Variants in UNC5D observed in about 807,000 individuals in gnomAD.
UNC5D encodes netrin receptor UNC5D.
UNC5D carries 39 observed loss-of-function variants against 105.4 expected under a neutral mutation model. The ratio of observed to expected loss-of-function variants is 0.37; its 90% CI spans 0.29 to 0.48. The LOEUF is 0.48. Among genes scored for constraint, UNC5D ranks in the 20% least tolerant of loss-of-function variants. The probability of loss-of-function intolerance (pLI) is 0.98; values close to 1 mark genes in which losing one functional copy is unlikely to be tolerated. For synonymous variants in UNC5D, 452 were observed against 450.4 expected (o/e 1.00, Z -0.04); for missense variants, 991 against 1,202.4 (o/e 0.82, Z 2.60).
At chr8:35,514,933 C>A (rs1190320324) in intron 1 of UNC5D, among the ~76,000 whole-genome samples, 1 of 152,096 alleles carries the variant, frequency 6.6e-6, no homozygotes, top group Non-Finnish European at 1.5e-5. Context: ...GATTATGTTG[C>A]CGGCTCTGAA....
chr8:35,562,276 A>G (rs1817019885), intron 2 of UNC5D, among the ~76,000 whole-genome samples: 1 of 152,098 alleles, frequency 6.6e-6, no homozygotes, highest in Non-Finnish European at 1.5e-5. Context: ...ACTGATGGAT[A>G]CTTAGGATGA....
At chr8:35,647,207 C>T (rs1044414670) in intron 4 of UNC5D, among the ~76,000 whole-genome samples, 3 of 152,166 alleles carry the variant, frequency 2.0e-5, no homozygotes, top group African/African-American at 7.2e-5. Flanking sequence ...TAACTCTGAA[C>T]ATAATCACAT....
Position 35,295,603 on chromosome 8 carries a change from A to G in UNC5D, c.103+59716A>G, listed in dbSNP as rs76974135. On this transcript the variant is annotated intron_variant, in intron 1 of 16. Coordinates refer to ENST00000404895, the MANE Select transcript of UNC5D (RefSeq NM_080872.4). Reference sequence around the variant, plus strand: ...GCACAAAGTGATTTGCCATACATACACATTGTGAAGTGGTAACTATCCTAC... The same window carrying G: ...GCACAAAGTGATTTGCCATACATACGCATTGTGAAGTGGTAACTATCCTAC... Among the ~76,000 whole-genome samples the G allele has an allele frequency of 2.6e-5, 4 of 152,338 alleles. No individual in the cohort carries two copies. The East Asian group carries it at 7.7e-4, about 29-fold the overall frequency.
chr8:35,378,349 G>C (rs570821823), intron 1 of UNC5D, among the ~76,000 whole-genome samples: 1 of 152,182 alleles, frequency 6.6e-6, no homozygotes, highest in Non-Finnish European at 1.5e-5. Context: ...TGGAGTGTCT[G>C]ATCTTCCACA....
chr8:35,248,079 A>ATT (rs1255728584), intron 1 of UNC5D, among the ~76,000 whole-genome samples: 2 of 71,590 alleles, frequency 2.8e-5, no homozygotes, highest in African/African-American at 6.0e-5. Context: ...TATATATAAA[A>ATT]AATATAATAT....
At chr8:35,578,973 A>T (rs1488741505) in intron 3 of UNC5D, among the ~76,000 whole-genome samples, 1 of 152,226 alleles carries the variant, frequency 6.6e-6, no homozygotes, top group Non-Finnish European at 1.5e-5. Flanking sequence ...AGGAAATCAC[A>T]GCTTAATTCA....
chr8:35,497,695 G>A (rs1811692160), intron 1 of UNC5D, among the ~76,000 whole-genome samples: 1 of 151,816 alleles, frequency 6.6e-6, no homozygotes, highest in South Asian at 2.1e-4. Flanking sequence ...CTAGGTCTGT[G>A]CCTTGTAGAA....
At chr8:35,755,078 A>T (rs1056015095) in intron 13 of UNC5D, among the ~76,000 whole-genome samples, 1 of 152,122 alleles carries the variant, frequency 6.6e-6, no homozygotes, top group African/African-American at 2.4e-5. Flanking sequence ...TGATAAATTC[A>T]AACCAAAGAT....
intron 1 of UNC5D, chr8:35,544,463 G>GT (rs762963721): frequency 6.2e-7 from 1 of 1,613,896 alleles, no homozygotes; most frequent in Non-Finnish European, 8.5e-7. Flanking sequence ...CCTGGTGTTA[G>GT]TTAAAGCTCT....
At chr8:35,356,326 C>A (rs1160795490) in intron 1 of UNC5D, among the ~76,000 whole-genome samples, 1 of 152,172 alleles carries the variant, frequency 6.6e-6, no homozygotes, top group Admixed American at 6.5e-5. Context: ...TTTACTACTA[C>A]AGTACTCCCT....
At position 35,726,296 on chromosome 8, in the gene UNC5D, T is replaced by G. The variant is rs778181034; in HGVS notation, c.1448T>G (p.Val483Gly). The G allele has an allele frequency of 6.2e-7, 1 of 1,613,958 alleles. No individual in the cohort carries two copies. ...SLFNPLSDIK[V>G]KVQSSFMVSL... Reference sequence around the variant, plus strand: ...TTTAACCCTTTGTCGGACATCAAAGTGAAAGTCCAGAGCTCGTTCATGGTT... The same window carrying G: ...TTTAACCCTTTGTCGGACATCAAAGGGAAAGTCCAGAGCTCGTTCATGGTT... Residue 483 changes from valine to glycine, a missense_variant, in exon 10 of 17, where the codon GTG (valine) becomes GGG (glycine). Physicochemically the swap from Val to Gly is moderately radical, Grantham distance 109. Coordinates refer to ENST00000404895, the MANE Select transcript of UNC5D (RefSeq NM_080872.4).
At chr8:35,314,291 T>G (rs997570958) in intron 1 of UNC5D, among the ~76,000 whole-genome samples, 2 of 152,168 alleles carry the variant, frequency 1.3e-5, no homozygotes, top group Non-Finnish European at 2.9e-5. Context: ...AACATGAGTT[T>G]GATCAAGTGG....
At chr8:35,297,756 A>G (rs2950902) in intron 1 of UNC5D, among the ~76,000 whole-genome samples, 124,485 of 151,836 alleles carry the variant, frequency 0.82, 51,498 homozygotes, top group East Asian at 1. Context: ...GTTCCCTAAC[A>G]CTCAGATGTA....
chr8:35,314,526 G>A lies in UNC5D; in HGVS notation c.103+78639G>A, dbSNP rs111512065. On this transcript the variant is annotated intron_variant, in intron 1 of 16. Coordinates refer to ENST00000404895, the MANE Select transcript of UNC5D (RefSeq NM_080872.4). ...ATTTTAAAAAGAAAAGCAATTAGTA[G>A]GAATAGTGGTTGAAACAACTGAATA... Among the ~76,000 whole-genome samples, 589 of 151,832 alleles carry A rather than the reference G, an allele frequency of 3.9e-3. 5 individuals are homozygous for A. Among genetic ancestry groups the A allele is most frequent in the African/African-American group, 0.013 (555 of 41,412 alleles).
intron 1 of UNC5D, among the ~76,000 whole-genome samples, chr8:35,347,254 C>T (rs1489970164): frequency 6.6e-6 from 1 of 151,930 alleles, no homozygotes; most frequent in Non-Finnish European, 1.5e-5. Context: ...CTCCATGAGC[C>T]AATAATCTAC....
intron 1 of UNC5D, among the ~76,000 whole-genome samples, chr8:35,379,910 T>C (rs1802919550): frequency 1.3e-5 from 2 of 151,836 alleles, no homozygotes; most frequent in South Asian, 2.1e-4. Context: ...ATATATCGTC[T>C]TAGGCAGCTC....
chr8:35,734,719 C>CT (rs1233748683), intron 11 of UNC5D, among the ~76,000 whole-genome samples: 5 of 150,000 alleles, frequency 3.3e-5, no homozygotes, highest in Non-Finnish European at 5.9e-5. Context: ...TGGGGTATTT[C>CT]TTTTTTTACA....
intron 1 of UNC5D, among the ~76,000 whole-genome samples, chr8:35,236,771 T>G (rs535672070): frequency 5.3e-4 from 81 of 152,320 alleles, no homozygotes; most frequent in Non-Finnish European, 1.8e-4. Context: ...AGAGGCAGTT[T>G]CAGACACAGC....
At chr8:35,672,669 CTTATAT>C (rs1297861549) in intron 4 of UNC5D, among the ~76,000 whole-genome samples, 2 of 152,142 alleles carry the variant, frequency 1.3e-5, no homozygotes, top group Non-Finnish European at 2.9e-5. Context: ...TCTCCCCATT[CTTATAT>C]TTATGTTTCT....
Sources: allele counts gnomAD v4.1 joint callset (sites outside exome capture counted in the v4.1 genomes callset), GRCh38; gene constraint gnomAD v4.1.1; transcripts MANE v1.5; gene names NCBI Gene and HGNC (gene_info 2026-07-23, HGNC 2026-07-21).